Variants in CNGB3 observed in about 807,000 individuals in gnomAD.
CNGB3 encodes the protein cyclic nucleotide gated channel subunit beta 3.
In CNGB3, 86 loss-of-function variants were observed where a neutral mutation model predicts 92.8. The observed-to-expected ratio is 0.93, with a 90% CI of 0.78 to 1.11. The LOEUF (loss-of-function observed/expected upper bound fraction) is 1.11, where lower values mean the gene tolerates loss of function less well. Among genes scored for constraint, CNGB3 ranks in the 50% least tolerant of loss-of-function variants. The pLI is 0.00. For missense variants in CNGB3, 1,026 were observed against 956.8 expected, an observed-to-expected ratio of 1.07 and a Z score of -0.95; for synonymous variants, 333 against 332.7, an observed-to-expected ratio of 1.00 and a Z score of -0.01.
At chr8:86,595,945 G>A (rs1280450334) in intron 15 of CNGB3, among the ~76,000 whole-genome samples, 1 of 152,080 alleles carries the variant, frequency 6.6e-6, no homozygotes, top group Non-Finnish European at 1.5e-5. Flanking sequence ...TAATGTAATA[G>A]GGGAAAAGAC....
intron 8 of CNGB3, among the ~76,000 whole-genome samples, chr8:86,647,203 G>A (rs118024866): frequency 0.025 from 3,704 of 150,824 alleles, 55 homozygotes; most frequent in African/African-American, 0.03. Flanking sequence ...GCTACAAAAT[G>A]TTCTACTATA....
intron 10 of CNGB3, among the ~76,000 whole-genome samples, chr8:86,637,294 C>T (rs1823090754): frequency 6.6e-6 from 1 of 152,134 alleles, no homozygotes; most frequent in African/African-American, 2.4e-5. Flanking sequence ...TTTCTGGGCT[C>T]TCTATTTTGT....
chr8:86,725,110 G>A (rs566848846), intron 3 of CNGB3, among the ~76,000 whole-genome samples: 2 of 152,142 alleles, frequency 1.3e-5, no homozygotes, highest in Admixed American at 6.6e-5. Context: ...GTTAGTTATG[G>A]CTTCAACTTC....
chr8:86,637,746 T>G (rs910356026), intron 10 of CNGB3, among the ~76,000 whole-genome samples: 3 of 152,166 alleles, frequency 2.0e-5, no homozygotes, highest in African/African-American at 7.2e-5. Flanking sequence ...ATTGTTAGTG[T>G]GTAGAAATGC....
chr8:86,739,337 T>C (rs1034901488), intron 2 of CNGB3, among the ~76,000 whole-genome samples: 8 of 152,224 alleles, frequency 5.3e-5, no homozygotes, highest in Non-Finnish European at 1.0e-4. Flanking sequence ...ATATGCTTAC[T>C]TATCTATGAT....
chr8:86,597,289 G>C (rs1822192793), intron 15 of CNGB3, among the ~76,000 whole-genome samples: 1 of 152,184 alleles, frequency 6.6e-6, no homozygotes, highest in South Asian at 2.1e-4. Context: ...CAGGGCTCAT[G>C]GCTCAGAAGT....
intron 6 of CNGB3, chr8:86,659,059 G>A: frequency 3.4e-6 from 3 of 892,726 alleles, no homozygotes; most frequent in Non-Finnish European, 5.4e-6. Flanking sequence ...ACCTCAGAGG[G>A]CCCTGCTGGG....
chr8:86,586,386 G>T (rs1220122347), intron 15 of CNGB3, among the ~76,000 whole-genome samples: 2 of 151,200 alleles, frequency 1.3e-5, no homozygotes, highest in African/African-American at 4.9e-5. Context: ...TGCACATTGT[G>T]CAGGTTAGTT....
chr8:86,677,225 T>C (rs1313742355), intron 3 of CNGB3, among the ~76,000 whole-genome samples: 1 of 152,230 alleles, frequency 6.6e-6, no homozygotes, highest in Non-Finnish European at 1.5e-5. Flanking sequence ...TCTGTTGTTT[T>C]AAGCCACCCA....
At chr8:86,649,716 A>G (rs1317819047) in intron 7 of CNGB3, among the ~76,000 whole-genome samples, 1 of 151,632 alleles carries the variant, frequency 6.6e-6, no homozygotes, top group Non-Finnish European at 1.5e-5. Flanking sequence ...ACCTTGGAAA[A>G]ACTCTTCTGG....
At chr8:86,634,211 T>C (rs11774132) in intron 10 of CNGB3, among the ~76,000 whole-genome samples, 10,902 of 152,270 alleles carry the variant, frequency 0.072, 419 homozygotes, top group African/African-American at 0.086. Context: ...ATACTTTGCA[T>C]ACTCATACAA....
chr8:86,687,291 C>A (rs1390198298), intron 3 of CNGB3, among the ~76,000 whole-genome samples: 1 of 151,818 alleles, frequency 6.6e-6, no homozygotes, highest in Non-Finnish European at 1.5e-5. Flanking sequence ...AGGTGGCCAC[C>A]AGCCAAGTGT....
chr8:86,685,500 C>T (rs1424945346), intron 3 of CNGB3, among the ~76,000 whole-genome samples: 2 of 152,112 alleles, frequency 1.3e-5, no homozygotes, highest in South Asian at 2.1e-4. Flanking sequence ...CACACTTCCT[C>T]CCCCACAAAG....
chr8:86,597,160 G>A (rs145483083), intron 15 of CNGB3, among the ~76,000 whole-genome samples: 90 of 152,230 alleles, frequency 5.9e-4, no homozygotes, highest in African/African-American at 2.0e-3. Context: ...ACCCCAGAAC[G>A]TAAAGTATAA....
At chr8:86,590,107 C>G (rs1417214304) in intron 15 of CNGB3, among the ~76,000 whole-genome samples, 3 of 151,888 alleles carry the variant, frequency 2.0e-5, no homozygotes, top group Non-Finnish European at 2.9e-5. Flanking sequence ...CCTTCTTTGT[C>G]TCTTTTGATC....
At chr8:86,715,991 TAAAA>T (rs1824847160) in intron 3 of CNGB3, among the ~76,000 whole-genome samples, 1 of 151,526 alleles carries the variant, frequency 6.6e-6, no homozygotes, top group African/African-American at 2.4e-5. Flanking sequence ...TAAAAAAAAT[TAAAA>T]AACAAAAATA....
chr8:86,606,769 G>C (rs928191252), intron 14 of CNGB3, among the ~76,000 whole-genome samples: 5 of 152,122 alleles, frequency 3.3e-5, no homozygotes, highest in African/African-American at 1.2e-4. Flanking sequence ...TGGCAGTCGA[G>C]GTTTAAAAAA....
At chr8:86,683,199 G>T (rs1296444380) in intron 3 of CNGB3, among the ~76,000 whole-genome samples, 1 of 152,136 alleles carries the variant, frequency 6.6e-6, no homozygotes, top group Non-Finnish European at 1.5e-5. Flanking sequence ...TCAGTTTGAT[G>T]TTGAAATAAA....
chr8:86,577,905 T>TTTTG lies in CNGB3; in HGVS notation c.2103+780_2103+783dup, dbSNP rs536668984. Among the ~76,000 whole-genome samples the TTTTG allele has an allele frequency of 5.1e-4, 77 of 152,082 alleles. 2 individuals carry two copies. In the South Asian group the frequency reaches 8.7e-3, roughly 17 times the overall value. The stretch of plus-strand genomic sequence containing the variant: ...AAGTGTCACTCTTTTTTGTTGTTGT[T>TTTTG]TTTGTTTGTTTGTTTGTTTTTTGAG... On this transcript the variant is annotated intron_variant, in intron 17 of 17. Transcript: ENST00000320005.
Sources: gnomAD v4.1 joint callset for allele counts (sites outside exome capture counted in the v4.1 genomes callset) on GRCh38, gnomAD v4.1.1 for gene constraint, MANE v1.5 for transcripts, NCBI Gene and HGNC (gene_info 2026-07-23, HGNC 2026-07-21) for gene names.